Variants in RIPOR2 observed in about 807,000 individuals in gnomAD.
RIPOR2 encodes the protein RHO family interacting cell polarization regulator 2.
Under a neutral mutation model 114.5 loss-of-function variants are expected in RIPOR2, and 39 were observed. The ratio of observed to expected loss-of-function variants is 0.34; its 90% CI spans 0.26 to 0.44. The LOEUF (loss-of-function observed/expected upper bound fraction) is 0.44. Ranked by LOEUF, RIPOR2 falls within the 20% of genes least tolerant of loss-of-function variation. The probability of loss-of-function intolerance (pLI) is 1.00; values close to 1 mark genes in which losing one functional copy is unlikely to be tolerated. For synonymous variants in RIPOR2, 445 were observed against 484.4 expected (o/e 0.92, Z 1.07); for missense variants, 1,007 against 1,255.1 (o/e 0.80, Z 2.99).
At chr6:24,881,284 G>A (rs772247171) in intron 1 of RIPOR2, among the ~76,000 whole-genome samples, 2 of 152,096 alleles carry the variant, frequency 1.3e-5, no homozygotes, top group Non-Finnish European at 2.9e-5. Context: ...TGGTCTTTTG[G>A]AAAATTCCAG....
chr6:24,807,839 T>G (rs1028537058), intron 21 of RIPOR2, among the ~76,000 whole-genome samples: 1 of 152,202 alleles, frequency 6.6e-6, no homozygotes, highest in South Asian at 2.1e-4. Flanking sequence ...TTCTGCCCTT[T>G]GTCATAGGGC....
intron 1 of RIPOR2, among the ~76,000 whole-genome samples, chr6:25,011,389 T>C (rs1775770494): frequency 6.6e-6 from 1 of 152,218 alleles, no homozygotes; most frequent in Non-Finnish European, 1.5e-5. Context: ...ACACTGGGGA[T>C]GACACGGGGA....
At chr6:24,944,561 C>T (rs939412433) in intron 1 of RIPOR2, among the ~76,000 whole-genome samples, 34 of 152,160 alleles carry the variant, frequency 2.2e-4, no homozygotes, top group African/African-American at 7.0e-4. Flanking sequence ...AATTATGAAA[C>T]ATGCAAAGAA....
intron 1 of RIPOR2, among the ~76,000 whole-genome samples, chr6:25,014,732 T>C (rs962459999): frequency 2.0e-5 from 3 of 152,124 alleles, no homozygotes; most frequent in African/African-American, 7.2e-5. Context: ...ACCAAAGAGC[T>C]CCAAAATTTA....
At chr6:25,028,130 G>A (rs2113741266) in intron 1 of RIPOR2, among the ~76,000 whole-genome samples, 1 of 152,324 alleles carries the variant, frequency 6.6e-6, no homozygotes, top group East Asian at 1.9e-4. Context: ...TTCCTTCACT[G>A]TATTCTCAGA....
chr6:24,913,145 ACTTGAGTGTGT>A lies in RIPOR2; in HGVS notation c.61+22682_61+22692del, dbSNP rs1769800468. Among the ~76,000 whole-genome samples, 4 of 110,520 alleles carry A rather than the reference ACTTGAGTGTGT, an allele frequency of 3.6e-5. No individual in the cohort carries two copies. In the South Asian group the frequency reaches 1.3e-3, roughly 36 times the overall value. The allele number at this position is 110,520 out of a possible 152,430, so 72.5% of individuals were successfully genotyped here. On this transcript the variant is annotated intron_variant, in intron 1 of 21. Transcript: ENST00000643898. ...AGGTTTGGGCATGACTGTGGGCATGACTTGAGTGTGTGTGTGTGTGTGTGTGTGTGTGTATG... is the reference window on the plus strand; with the variant it reads ...AGGTTTGGGCATGACTGTGGGCATGAGTGTGTGTGTGTGTGTGTGTGTATG...
chr6:24,841,606 A>G (rs1761721211), intron 13 of RIPOR2, among the ~76,000 whole-genome samples: 1 of 132,490 alleles, frequency 7.5e-6, no homozygotes, highest in Non-Finnish European at 1.6e-5. Flanking sequence ...ACATATAAAA[A>G]CAATCACCAT....
chr6:24,835,267 G>A (rs1472963409), intron 15 of RIPOR2, among the ~76,000 whole-genome samples: 1 of 152,212 alleles, frequency 6.6e-6, no homozygotes, highest in Non-Finnish European at 1.5e-5. Context: ...CAAGGTCCAG[G>A]AGACTGTGGT....
chr6:24,826,393 A>G (rs1167142113), intron 18 of RIPOR2, among the ~76,000 whole-genome samples: 1 of 152,232 alleles, frequency 6.6e-6, no homozygotes. Flanking sequence ...TGGGATGAGA[A>G]TATGTCTGGT....
At chr6:24,992,981 C>G (rs1487695617) in intron 1 of RIPOR2, among the ~76,000 whole-genome samples, 1 of 152,148 alleles carries the variant, frequency 6.6e-6, no homozygotes, top group Non-Finnish European at 1.5e-5. Flanking sequence ...AAAACATCTG[C>G]AATAAGGATA....
At chr6:24,928,865 T>C (rs1165224266) in intron 1 of RIPOR2, among the ~76,000 whole-genome samples, 1 of 152,258 alleles carries the variant, frequency 6.6e-6, no homozygotes, top group African/African-American at 2.4e-5. Context: ...GATCCGAGTG[T>C]GTTCTCTCTT....
chr6:24,885,029 A>G (rs897849962), intron 1 of RIPOR2, among the ~76,000 whole-genome samples: 2 of 152,206 alleles, frequency 1.3e-5, no homozygotes, highest in Non-Finnish European at 2.9e-5. Context: ...TTAAGTATAT[A>G]TTATATGCTC....
intron 1 of RIPOR2, among the ~76,000 whole-genome samples, chr6:24,995,741 C>A (rs1209088310): frequency 6.6e-6 from 1 of 151,778 alleles, no homozygotes; most frequent in African/African-American, 2.4e-5. Flanking sequence ...TGTATAAATA[C>A]AGATGTTTCT....
At chr6:25,019,329 C>A (rs538905463) in intron 1 of RIPOR2, among the ~76,000 whole-genome samples, 1 of 152,232 alleles carries the variant, frequency 6.6e-6, no homozygotes, top group East Asian at 1.9e-4. Context: ...TCAAGGAAGG[C>A]GATTTAGCAA....
chr6:25,033,338 T>C (rs1777089571), intron 1 of RIPOR2, among the ~76,000 whole-genome samples: 1 of 152,240 alleles, frequency 6.6e-6, no homozygotes, highest in Non-Finnish European at 1.5e-5. Flanking sequence ...GTTTTGCCAG[T>C]AGAAGCCCCT....
chr6:24,935,869 C>A lies in RIPOR2; in HGVS notation c.30G>T (p.Leu10=). The change falls in exon 1 of 22, where the codon CTG becomes CTT. Residue 10 remains leucine (L), a synonymous_variant. Transcript: ENST00000643898. ...CAAAAACATCATCCTCTTCATCGAC[C>A]AGGAGCTCCTCAGCATCAAAAAACT... MQFFDAEEL[L]VDEEDDVFGE... The A allele has an allele frequency of 6.5e-7, 1 of 1,535,500 alleles. No individual in the cohort carries two copies. Among genetic ancestry groups the A allele is most frequent in the Non-Finnish European group, 8.7e-7 (1 of 1,146,788 alleles).
At chr6:24,910,877 AG>A (rs1167046323) in intron 1 of RIPOR2, 9 of 985,234 alleles carry the variant, frequency 9.1e-6, no homozygotes, top group Non-Finnish European at 1.1e-5. Flanking sequence ...GGCATATAAA[AG>A]CCTCCGCACC....
chr6:24,937,870 G>T (rs1771903594), upstream of RIPOR2, among the ~76,000 whole-genome samples: 1 of 152,136 alleles, frequency 6.6e-6, no homozygotes, highest in Non-Finnish European at 1.5e-5. Context: ...ACTGCACACA[G>T]TCCAGTTCAC....
intron 11 of RIPOR2, among the ~76,000 whole-genome samples, chr6:24,848,416 C>A (rs553564890): frequency 1.3e-5 from 2 of 152,298 alleles, no homozygotes; most frequent in African/African-American, 4.8e-5. Flanking sequence ...CTTAGATACA[C>A]CCGTTCCTCA....
Sources: allele counts gnomAD v4.1 joint callset (sites outside exome capture counted in the v4.1 genomes callset), GRCh38; gene constraint gnomAD v4.1.1; transcripts MANE v1.5; gene names NCBI Gene and HGNC (gene_info 2026-07-23, HGNC 2026-07-21).